DOCK5: variants seen among roughly 807,000 people sequenced by gnomAD.
DOCK5 encodes the protein dedicator of cytokinesis 5, also known as dedicator of cytokinesis protein 5.
Under a neutral mutation model 251.8 loss-of-function variants are expected in DOCK5, and 142 were observed. That is an observed-to-expected ratio of 0.56 (90% CI 0.49 to 0.65). The LOEUF is 0.65. DOCK5 is among the 30% of genes least tolerant of loss of function. The pLI is 0.00. For missense variants in DOCK5, 2,111 were observed against 2,312.3 expected, an observed-to-expected ratio of 0.91 and a Z score of 1.79; for synonymous variants, 842 against 835.5, an observed-to-expected ratio of 1.01 and a Z score of -0.13.
intron 45 of DOCK5, among the ~76,000 whole-genome samples, chr8:25,396,305 C>A (rs755894203): frequency 1.3e-5 from 2 of 152,162 alleles, no homozygotes; most frequent in Non-Finnish European, 2.9e-5. Flanking sequence ...ACTTTTAACC[C>A]CAGAGGCAAA....
intron 20 of DOCK5, 25 bp downstream of exon 20, chr8:25,332,717 G>C: frequency 6.5e-7 from 1 of 1,540,710 alleles, no homozygotes; most frequent in Non-Finnish European, 8.9e-7. Flanking sequence ...ATATTAACTA[G>C]TGTTTATTGT....
chr8:25,336,490 A>T, intron 22 of DOCK5, 117 bp downstream of exon 22: 2 of 1,316,102 alleles, frequency 1.5e-6, no homozygotes, highest in South Asian at 3.0e-5. Flanking sequence ...GAATTGCCTT[A>T]TTTCAGAACT....
intron 5 of DOCK5, among the ~76,000 whole-genome samples, chr8:25,287,615 T>C (rs929687407): frequency 3.3e-5 from 5 of 151,916 alleles, no homozygotes; most frequent in Non-Finnish European, 7.4e-5. Context: ...TATTACAGAG[T>C]GTTATTTTAA....
At chr8:25,380,192 AAC>A in intron 38 of DOCK5, 111 bp from the exon 39 acceptor site, 4 of 857,540 alleles carry the variant, frequency 4.7e-6, no homozygotes, top group Non-Finnish European at 7.5e-6. Flanking sequence ...TATCTACCGA[AAC>A]TCAATCCCCC....
chr8:25,315,449 T>C (rs1000518076), intron 13 of DOCK5, among the ~76,000 whole-genome samples: 3 of 152,176 alleles, frequency 2.0e-5, no homozygotes, highest in African/African-American at 7.2e-5. Flanking sequence ...GTAACCTGAG[T>C]TGGGGCAAGG....
chr8:25,411,550 G>T lies in DOCK5; in HGVS notation c.*252G>T. The T allele has an allele frequency of 2.5e-6, 1 of 398,860 alleles. No individual in the cohort carries two copies. The highest frequency in any genetic ancestry group is 4.3e-6 in the Non-Finnish European group (1 of 232,680). 24.7% of individuals were successfully genotyped at this position (398,860 alleles called of 1,614,324 possible). On this transcript the variant is annotated 3_prime_UTR_variant, in exon 52 of 52. Coordinates refer to ENST00000276440, the MANE Select transcript of DOCK5 (RefSeq NM_024940.8). The stretch of plus-strand genomic sequence containing the variant: ...CACAGCCTCTGATTTTTTCCAAGAA[G>T]AGATTGCCTTCACCATTGTTAAATG...
intron 1 of DOCK5, among the ~76,000 whole-genome samples, chr8:25,213,646 C>CT: frequency 6.6e-6 from 1 of 152,120 alleles, no homozygotes; most frequent in Non-Finnish European, 1.5e-5. Context: ...AATGAACTTT[C>CT]TTTGTGAATA....
rs371014252 is a variant in DOCK5, at chr8:25,289,653, A to T, written c.322-2371A>T. On this transcript the variant is annotated intron_variant, in intron 5 of 51. Transcript: ENST00000276440. ...AGGTCGGGAGTTTGAGACCAGCCTG[A>T]CCAACATGGAGAAACCCCATCTCTA... Among the ~76,000 whole-genome samples the T allele has an allele frequency of 4.4e-3, 666 of 151,620 alleles. 8 individuals are homozygous for T. The highest frequency in any genetic ancestry group is 0.027 in the South Asian group (128 of 4,794).
chr8:25,294,607 A>G (rs1804573676), intron 6 of DOCK5, among the ~76,000 whole-genome samples: 1 of 152,166 alleles, frequency 6.6e-6, no homozygotes, highest in Non-Finnish European at 1.5e-5. Context: ...GCATATGCAG[A>G]GCTACAACTT....
chr8:25,198,503 C>T (rs1261239664), intron 1 of DOCK5, among the ~76,000 whole-genome samples: 2 of 151,828 alleles, frequency 1.3e-5, no homozygotes, highest in Non-Finnish European at 2.9e-5. Flanking sequence ...ACCCGGGAGG[C>T]AGACGTTGCA....
Position 25,362,437 on chromosome 8 carries a change from TTTTTC to T in DOCK5, c.2950-585_2950-581del, listed in dbSNP as rs140170700. The stretch of plus-strand genomic sequence containing the variant: ...CTCCTTCCCACTTTCTTTTTTTCCT[TTTTTC>T]TTTTCTTTTCTTTTCTTTTCTTTTT... On this transcript the variant is annotated intron_variant, in intron 28 of 51. Coordinates refer to ENST00000276440, the MANE Select transcript of DOCK5 (RefSeq NM_024940.8). 6.9e-3 allele frequency among the ~76,000 whole-genome samples: 859 copies of T among 125,272 alleles called. 10 individuals carry two copies. Among genetic ancestry groups the T allele is most frequent in the African/African-American group, 0.011 (373 of 35,230 alleles). 82.2% of individuals were successfully genotyped at this position (125,272 alleles called of 152,430 possible).
At position 25,368,664 on chromosome 8, in the gene DOCK5, C is replaced by T. The variant is rs1800820763; in HGVS notation, c.3377C>T (p.Pro1126Leu). 1 of 1,613,718 alleles carries T rather than the reference C, an allele frequency of 6.2e-7. No homozygotes were observed. The highest frequency in any genetic ancestry group is 8.5e-7 in the Non-Finnish European group (1 of 1,179,844). ...PEVELRKATI[P>L]IFFDMMQCEF... ...GTAGAGCTCCGGAAAGCCACAATCC[C>T]CATTTTCTTTGATATGATGCAGTGT... Residue 1126 changes from proline to leucine, a missense_variant, in exon 33 of 52, where the codon CCC becomes CTC. Pro to Leu is a moderately conservative substitution (Grantham distance 98). Around this residue, in one of 3 missense-constraint regions of DOCK5, gnomAD observed 1,717 missense variants for 1,892.4 expected, o/e 0.91. Transcript: ENST00000276440.
At chr8:25,367,835 G>T (rs773768789) in intron 31 of DOCK5, among the ~76,000 whole-genome samples, 21 of 152,128 alleles carry the variant, frequency 1.4e-4, no homozygotes, top group Non-Finnish European at 1.9e-4. Context: ...TCACCTGTTA[G>T]GCATTAGTCA....
At chr8:25,273,071 C>T (rs1178542374) in intron 3 of DOCK5, among the ~76,000 whole-genome samples, 1 of 151,830 alleles carries the variant, frequency 6.6e-6, no homozygotes, top group East Asian at 1.9e-4. Context: ...TTTGCCGTGG[C>T]GCAGTGGCAC....
chr8:25,191,682 G>C (rs1330426092), intron 1 of DOCK5, among the ~76,000 whole-genome samples: 1 of 151,944 alleles, frequency 6.6e-6, no homozygotes, highest in Non-Finnish European at 1.5e-5. Context: ...CCCTGTTTCT[G>C]ATATAGGAAA....
At chr8:25,401,250 G>A (rs1461457483) in intron 47 of DOCK5, among the ~76,000 whole-genome samples, 184 bp downstream of exon 47, 2 of 152,142 alleles carry the variant, frequency 1.3e-5, no homozygotes, top group African/African-American at 2.4e-5. Flanking sequence ...GCTGGTCAGA[G>A]GTTCTCCAAC....
intron 2 of DOCK5, among the ~76,000 whole-genome samples, chr8:25,262,722 T>G (rs2117586318): frequency 6.6e-6 from 1 of 152,320 alleles, no homozygotes; most frequent in African/African-American, 2.4e-5. Flanking sequence ...ATTTCTAAAT[T>G]CATTTCTTAC....
chr8:25,220,007 TTC>T (rs1802340679), intron 1 of DOCK5, among the ~76,000 whole-genome samples: 1 of 146,356 alleles, frequency 6.8e-6, no homozygotes, highest in African/African-American at 2.7e-5. Context: ...AGTTTTCTTC[TTC>T]TTTTTTTTTT....
intron 1 of DOCK5, among the ~76,000 whole-genome samples, chr8:25,218,865 C>T (rs1262547141): frequency 2.6e-5 from 4 of 152,138 alleles, no homozygotes; most frequent in Non-Finnish European, 5.9e-5. Flanking sequence ...AAATAATAAT[C>T]ATTGTAATCA....
Sources: gnomAD v4.1 joint callset for allele counts (sites outside exome capture counted in the v4.1 genomes callset) on GRCh38, gnomAD v4.1.1 for gene constraint, gnomAD v4.1.1 regional missense constraint, MANE v1.5 for transcripts, NCBI Gene and HGNC (gene_info 2026-07-23, HGNC 2026-07-21) for gene names.